CRYZ: variants seen among roughly 807,000 people sequenced by gnomAD.
CRYZ encodes zeta-crystallin.
Under a neutral mutation model 34.1 loss-of-function variants are expected in CRYZ, and 35 were observed. The observed-to-expected ratio is 1.03, with a 90% CI of 0.78 to 1.36. The LOEUF is 1.36. CRYZ is among the 40% of genes most tolerant of loss of function. CRYZ has a pLI of 0.00. For missense variants in CRYZ, 403 were observed against 391.8 expected, an observed-to-expected ratio of 1.03 and a Z score of -0.24; for synonymous variants, 137 against 136.5, an observed-to-expected ratio of 1.00 and a Z score of -0.03.
chr1:74,711,884 T>C (rs1239914327), intron 5 of CRYZ, among the ~76,000 whole-genome samples: 1 of 152,016 alleles, frequency 6.6e-6, no homozygotes, highest in Non-Finnish European at 1.5e-5. Flanking sequence ...GAGATATATA[T>C]TAGAGATTCA....
At chr1:74,706,852 T>C in intron 8 of CRYZ, 47 bp downstream of exon 8, 1 of 1,503,440 alleles carries the variant, frequency 6.7e-7, no homozygotes, top group Non-Finnish European at 9.2e-7. Flanking sequence ...GTAGGCAAAC[T>C]GTACCAATGT....
chr1:74,727,458 C>CAAAAAAAAAAAAA (rs3041452), intron 1 of CRYZ, among the ~76,000 whole-genome samples: 4 of 71,876 alleles, frequency 5.6e-5, no homozygotes, highest in African/African-American at 5.7e-5. Flanking sequence ...CTAAAAAATA[C>CAAAAAAAAAAAAA]AAAAAAAAAA....
chr1:74,725,697 T>C (rs1233044246), intron 1 of CRYZ, among the ~76,000 whole-genome samples: 1 of 152,160 alleles, frequency 6.6e-6, no homozygotes, highest in Non-Finnish European at 1.5e-5. Context: ...CATTTCAGCA[T>C]AAACTCAAAG....
intron 1 of CRYZ, among the ~76,000 whole-genome samples, chr1:74,729,328 C>A (rs1647565005): frequency 6.6e-6 from 1 of 151,824 alleles, no homozygotes; most frequent in Non-Finnish European, 1.5e-5. Flanking sequence ...AAGCACCAAG[C>A]ACAGAACTTA....
chr1:74,715,882 C>A (rs1647065403), intron 4 of CRYZ, among the ~76,000 whole-genome samples: 1 of 150,420 alleles, frequency 6.6e-6, no homozygotes, highest in Non-Finnish European at 1.5e-5. Context: ...ATATTTGTTC[C>A]AACATTACTC....
intron 1 of CRYZ, among the ~76,000 whole-genome samples, chr1:74,730,107 C>A (rs1254125449): frequency 6.6e-6 from 1 of 151,916 alleles, no homozygotes; most frequent in Non-Finnish European, 1.5e-5. Flanking sequence ...TAAAATTACT[C>A]TGAAATAGGA....
rs1037962009 is a variant in CRYZ, at chr1:74,724,577, T to C, written c.111+134A>G. 13 of 580,360 alleles carry C rather than the reference T, an allele frequency of 2.2e-5. No homozygotes were observed. In the African/African-American group the frequency reaches 2.3e-4, roughly 10 times the overall value. 36.0% of individuals were successfully genotyped at this position (580,360 alleles called of 1,614,324 possible). ...TATGTTAACTTTATCAATGTCCATATGTATACATAGTGTAAACTGCATCCT... is the reference window on the plus strand; with the variant it reads ...TATGTTAACTTTATCAATGTCCATACGTATACATAGTGTAAACTGCATCCT... On this transcript the variant is annotated intron_variant, in intron 2 of 8. Transcript: ENST00000340866.
intron 1 of CRYZ, chr1:74,730,403 G>T (rs1647649342): frequency 1.3e-5 from 2 of 152,088 alleles, no homozygotes; most frequent in Non-Finnish European, 2.9e-5. Context: ...ATCATCATAT[G>T]CTTCATAACG....
In CRYZ at chr1:74,707,083, A is replaced by T; in HGVS notation, c.732+20T>A. The T allele has an allele frequency of 6.4e-7, 1 of 1,560,178 alleles. No individual in the cohort carries two copies. Among genetic ancestry groups the T allele is most frequent in the Non-Finnish European group, 8.7e-7 (1 of 1,150,028 alleles). ...AAACATTAAAGTGGTAAAAAAAAAA[A>T]AAAGAAAAGGAATACTTACTATCAC... On this transcript the variant is annotated intron_variant, in intron 7 of 8. Coordinates refer to ENST00000340866, the MANE Select transcript of CRYZ (RefSeq NM_001889.4).
chr1:74,713,928 T>C (rs1454071990), intron 5 of CRYZ, among the ~76,000 whole-genome samples: 1 of 152,136 alleles, frequency 6.6e-6, no homozygotes, highest in African/African-American at 2.4e-5. Context: ...GAGAGGCAGA[T>C]TGGCAGCTAG....
intron 1 of CRYZ, among the ~76,000 whole-genome samples, chr1:74,731,801 T>C (rs1471031241): frequency 6.6e-6 from 1 of 152,188 alleles, no homozygotes; most frequent in Non-Finnish European, 1.5e-5. Context: ...AACTTTAGCC[T>C]TTAGGTTTAA....
chr1:74,723,186 G>T lies in CRYZ; in HGVS notation c.196C>A (p.Pro66Thr). 1 of 1,614,030 alleles carries T rather than the reference G, an allele frequency of 6.2e-7. No homozygotes were observed. The highest frequency in any genetic ancestry group is 8.5e-7 in the Non-Finnish European group (1 of 1,179,910). ...GCCACATCTGAGCCAGGAGTATAGG[G>T]TAAGAGTGGTTTTCTACTATAAGTA... ...SGTYSRKPLL[P>T]YTPGSDVAGV... Residue 66 changes from proline to threonine, a missense_variant, in exon 3 of 9, where the codon CCC becomes ACC. Physicochemically the swap from Pro to Thr is conservative, Grantham distance 38 (BLOSUM62 -1). Transcript: ENST00000340866.
intron 3 of CRYZ, among the ~76,000 whole-genome samples, chr1:74,720,501 C>T (rs1436610047): frequency 6.6e-6 from 1 of 152,142 alleles, no homozygotes; most frequent in Non-Finnish European, 1.5e-5. Context: ...ACCGTAACCA[C>T]CTACCTTAAC....
chr1:74,708,368 C>T (rs1646958394), intron 6 of CRYZ: 1 of 152,060 alleles, frequency 6.6e-6, no homozygotes, highest in South Asian at 2.1e-4. Context: ...CAGTAGGGAA[C>T]AGAGAGACAA....
At chr1:74,710,862 A>G (rs544657846) in intron 5 of CRYZ, among the ~76,000 whole-genome samples, 3 of 152,370 alleles carry the variant, frequency 2.0e-5, no homozygotes, top group South Asian at 2.1e-4. Context: ...GATAATAGTC[A>G]TATGAATGAA....
At chr1:74,707,236 T>C (rs1441554217) in intron 6 of CRYZ, 32 bp from the exon 7 acceptor site, 9 of 1,242,860 alleles carry the variant, frequency 7.2e-6, no homozygotes, top group Non-Finnish European at 9.2e-6. Flanking sequence ...TAGAGTAAGA[T>C]AGCAAGTGAA....
rs756778305 is a variant in CRYZ, at chr1:74,724,748, C to T, written c.74G>A (p.Arg25Gln). The T allele has an allele frequency of 1.8e-5, 29 of 1,613,042 alleles. No individual in the cohort carries two copies. In the Admixed American group the frequency reaches 2.7e-4, roughly 15 times the overall value. ...EFGGPEVLKL[R>Q]SDIAVPIPKD... The stretch of plus-strand genomic sequence containing the variant: ...TGGAATCGGTACTGCAATATCTGAT[C>T]GCAATTTCAGGACTTCTGGCCCACC... The change falls in exon 2 of 9, where the codon CGA becomes CAA. Residue 25 changes from arginine to glutamine, a missense_variant. Transcript: ENST00000340866.
chr1:74,719,121 C>G, intron 4 of CRYZ, 88 bp downstream of exon 4: 1 of 1,348,590 alleles, frequency 7.4e-7, no homozygotes, highest in Non-Finnish European at 1.0e-6. Flanking sequence ...ATATGATGAA[C>G]AGATGGATGG....
At chr1:74,718,859 C>G (rs1647113041) in intron 4 of CRYZ, among the ~76,000 whole-genome samples, 1 of 152,136 alleles carries the variant, frequency 6.6e-6, no homozygotes, top group South Asian at 2.1e-4. Context: ...AAGTCTTACA[C>G]CTTGCCAGGA....
Sources: allele counts gnomAD v4.1 joint callset (sites outside exome capture counted in the v4.1 genomes callset), GRCh38; gene constraint gnomAD v4.1.1; transcripts MANE v1.5; gene names NCBI Gene and HGNC (gene_info 2026-07-23, HGNC 2026-07-21).